PTPRN2: variants seen among roughly 807,000 people sequenced by gnomAD.
PTPRN2 encodes the protein receptor-type tyrosine-protein phosphatase N2.
PTPRN2 carries 74 observed loss-of-function variants against 118.8 expected under a neutral mutation model. The observed-to-expected ratio is 0.62, with a 90% CI of 0.52 to 0.76. The LOEUF is 0.76. PTPRN2 is among the 30% of genes least tolerant of loss of function. The pLI is 0.00. For missense variants in PTPRN2, 1,481 were observed against 1,394.4 expected (o/e 1.06, Z -0.99); for synonymous variants, 641 against 608.0 (o/e 1.05, Z -0.80).
At chr7:157,837,353 G>A (rs187273577) in intron 12 of PTPRN2, among the ~76,000 whole-genome samples, 5 of 149,540 alleles carry the variant, frequency 3.3e-5, no homozygotes, top group South Asian at 2.2e-4. Context: ...AGAATTGCTC[G>A]CTTGTTGTGT....
intron 11 of PTPRN2, among the ~76,000 whole-genome samples, chr7:157,943,156 A>C (rs1164001665): frequency 1.3e-5 from 2 of 152,202 alleles, no homozygotes; most frequent in Non-Finnish European, 2.9e-5. Context: ...CTCGAGACCC[A>C]AGAACACACA....
chr7:157,676,070 T>A lies in PTPRN2; in HGVS notation c.2001+6655A>T, dbSNP rs1435242597. Among the ~76,000 whole-genome samples the A allele has an allele frequency of 6.6e-6, 1 of 151,940 alleles. No homozygotes were observed. The highest frequency in any genetic ancestry group is 1.5e-5 in the Non-Finnish European group (1 of 67,972). On this transcript the variant is annotated intron_variant, in intron 13 of 22. Coordinates refer to ENST00000389418, the MANE Select transcript of PTPRN2 (RefSeq NM_002847.5). This position sits in a 1 kb window ranked among gnomAD's most constrained non-coding sequence, Gnocchi z 5.6. ...GACCGTCCCTTGGAGCGCCACAGAC[T>A]GCAGGGTTTGTCCTTGTCACGAACT...
chr7:158,414,181 G>A (rs993003671), intron 2 of PTPRN2, among the ~76,000 whole-genome samples: 13 of 151,884 alleles, frequency 8.6e-5, no homozygotes, highest in South Asian at 2.1e-4. Flanking sequence ...CTTCCAGAGC[G>A]TAGGGAATCA....
chr7:158,080,078 A>G (rs1812679055), intron 11 of PTPRN2, among the ~76,000 whole-genome samples: 1 of 152,138 alleles, frequency 6.6e-6, no homozygotes, highest in Non-Finnish European at 1.5e-5. Flanking sequence ...GCACGAGGAT[A>G]TCCCATAAGC....
intron 2 of PTPRN2, among the ~76,000 whole-genome samples, chr7:158,448,105 G>A (rs1817854219): frequency 6.6e-6 from 1 of 152,182 alleles, no homozygotes; most frequent in African/African-American, 2.4e-5. Context: ...CGCCAGGGCT[G>A]CTTTCTGGGA....
rs1038139704 is a variant in PTPRN2, at chr7:158,565,553, C to T, written c.112+22005G>A. On this transcript the variant is annotated intron_variant, in intron 1 of 22. Transcript: ENST00000389418. The surrounding 1 kb of genome is among the most constrained non-coding windows in gnomAD (Gnocchi z 4.6). ...CAATGGTGAGAAATCTTAACTCGGA[C>T]GGCAAACTTCCCGTCTGGGATCTGC... Among the ~76,000 whole-genome samples, 9 of 152,272 alleles carry T rather than the reference C, an allele frequency of 5.9e-5. No homozygotes were observed. The highest frequency in any genetic ancestry group is 4.4e-5 in the Non-Finnish European group (3 of 68,024).
chr7:158,299,504 G>A (rs1160585378), intron 3 of PTPRN2, among the ~76,000 whole-genome samples: 1 of 152,052 alleles, frequency 6.6e-6, no homozygotes, highest in African/African-American at 2.4e-5. Flanking sequence ...CACCATGTTG[G>A]CCAGGCTGGT....
rs199980521 is a variant in PTPRN2 at position 157,873,804 on chromosome 7, T to TG, written c.1788+24868dup. On this transcript the variant is annotated intron_variant, in intron 12 of 22. Coordinates refer to ENST00000389418, the MANE Select transcript of PTPRN2 (RefSeq NM_002847.5). ...GAGAGCGCAGCACTCGGCATCACAC[T>TG]GGGGGCACAGGTCAGCAGGGGGCAC... 5.3e-5 allele frequency among the ~76,000 whole-genome samples: 8 copies of TG among 151,982 alleles called. No individual in the cohort carries two copies. In the East Asian group the frequency reaches 1.6e-3, roughly 30 times the overall value.
At chr7:158,531,341 G>C (rs952183042) in intron 1 of PTPRN2, among the ~76,000 whole-genome samples, 8 of 152,178 alleles carry the variant, frequency 5.3e-5, no homozygotes. Context: ...CTCCAGAGTC[G>C]AGCTCAAGCC....
chr7:157,994,194 T>C (rs1030947201), intron 11 of PTPRN2, among the ~76,000 whole-genome samples: 1 of 152,072 alleles, frequency 6.6e-6, no homozygotes, highest in African/African-American at 2.4e-5. Flanking sequence ...GAGGAGAAAA[T>C]ACCGATGCAG....
At chr7:157,823,569 C>T (rs1806984484) in intron 12 of PTPRN2, among the ~76,000 whole-genome samples, 1 of 152,140 alleles carries the variant, frequency 6.6e-6, no homozygotes, top group Admixed American at 6.5e-5. Flanking sequence ...TCCTAGGATC[C>T]CTGTTGTCTT....
At chr7:157,626,546 A>AC (rs1342426792) in intron 14 of PTPRN2, among the ~76,000 whole-genome samples, 2 of 148,546 alleles carry the variant, frequency 1.3e-5, no homozygotes, top group Non-Finnish European at 3.0e-5. Flanking sequence ...CCTATAACCC[A>AC]CCCCCCACAT....
chr7:158,239,612 TCTC>T (rs1182385335), intron 3 of PTPRN2, among the ~76,000 whole-genome samples: 1 of 152,044 alleles, frequency 6.6e-6, no homozygotes, highest in Non-Finnish European at 1.5e-5. Flanking sequence ...ATCAAAAGCT[TCTC>T]CTCTCGGAGC....
intron 12 of PTPRN2, among the ~76,000 whole-genome samples, chr7:157,774,074 T>G (rs908479986): frequency 2.6e-5 from 4 of 152,182 alleles, no homozygotes; most frequent in African/African-American, 9.7e-5. Flanking sequence ...GAGGTTAGTA[T>G]GCAAAACCCA....
At chr7:158,044,048 G>T (rs900256578) in intron 11 of PTPRN2, among the ~76,000 whole-genome samples, 2 of 152,310 alleles carry the variant, frequency 1.3e-5, no homozygotes, top group East Asian at 3.9e-4. Flanking sequence ...TATGCTTATG[G>T]ACTACATCCT....
At chr7:157,997,133 C>T (rs1280419594) in intron 11 of PTPRN2, among the ~76,000 whole-genome samples, 2 of 152,242 alleles carry the variant, frequency 1.3e-5, no homozygotes, top group Admixed American at 6.5e-5. Flanking sequence ...GTTGGGGGCA[C>T]ATCTGATGGG....
At chr7:158,184,205 A>G (rs1168463603) in intron 5 of PTPRN2, among the ~76,000 whole-genome samples, 2 of 152,194 alleles carry the variant, frequency 1.3e-5, no homozygotes, top group East Asian at 3.9e-4. Context: ...ACCAATTTGG[A>G]GGTAATTTCT....
At chr7:157,562,938 A>G (rs1322469872) in intron 21 of PTPRN2, among the ~76,000 whole-genome samples, 16 of 117,204 alleles carry the variant, frequency 1.4e-4, no homozygotes, top group Middle Eastern at 8.3e-3. Flanking sequence ...ACGTGCTCCC[A>G]CATCACCACA....
At chr7:158,098,902 G>A (rs1197681258) in intron 10 of PTPRN2, among the ~76,000 whole-genome samples, 3 of 152,020 alleles carry the variant, frequency 2.0e-5, no homozygotes, top group African/African-American at 7.2e-5. Context: ...GGGGTGCAGC[G>A]TTCCTGGGTC....
Sources: allele counts gnomAD v4.1 joint callset (sites outside exome capture counted in the v4.1 genomes callset), GRCh38; gene constraint gnomAD v4.1.1; non-coding constraint Gnocchi (gnomAD v3.1); transcripts MANE v1.5; gene names NCBI Gene and HGNC (gene_info 2026-07-23, HGNC 2026-07-21).